SLC1A5: variants seen among roughly 807,000 people sequenced by gnomAD.
The protein encoded by SLC1A5 is solute carrier family 1 member 5.
Under a neutral mutation model 34.9 loss-of-function variants are expected in SLC1A5, and 25 were observed. That is an observed-to-expected ratio of 0.72 (90% CI 0.52 to 1.00). The LOEUF (loss-of-function observed/expected upper bound fraction) is 1.00. Among genes scored for constraint, SLC1A5 ranks in the 50% least tolerant of loss-of-function variants. The probability of loss-of-function intolerance (pLI) is 0.00; values close to 1 mark genes in which losing one functional copy is unlikely to be tolerated. For missense variants in SLC1A5, 637 were observed against 740.0 expected, an observed-to-expected ratio of 0.86 and a Z score of 1.61; for synonymous variants, 351 against 341.2, an observed-to-expected ratio of 1.03 and a Z score of -0.32.
In SLC1A5 at chr19:46,787,600, G is replaced by T; in HGVS notation, c.366C>A (p.Gly122=). ...LIGGAASLDP[G]ALGRLGAWAL... Reference sequence around the variant, plus strand: ...CCCAGGCGCCCAGACGGCCGAGCGCGCCGGGGTCCAGGCTGGCGGCGCCGC... The same window carrying T: ...CCCAGGCGCCCAGACGGCCGAGCGCTCCGGGGTCCAGGCTGGCGGCGCCGC... The change falls in exon 1 of 8, where the codon GGC becomes GGA. Residue 122 remains glycine, a synonymous_variant. Coordinates refer to ENST00000542575, the MANE Select transcript of SLC1A5 (RefSeq NM_005628.3). This position sits in a 1 kb window ranked among gnomAD's most constrained non-coding sequence, Gnocchi z 5.2. 1 of 1,561,562 alleles carries T rather than the reference G, an allele frequency of 6.4e-7. No individual in the cohort carries two copies. The highest frequency in any genetic ancestry group is 8.7e-7 in the Non-Finnish European group (1 of 1,155,824).
chr19:46,784,982 G>T, intron 1 of SLC1A5: 2 of 785,110 alleles, frequency 2.5e-6, no homozygotes, highest in Admixed American at 4.7e-5. Context: ...GTTGGGAGGC[G>T]GTGGCGGGGA....
chr19:46,776,997 T>C lies in SLC1A5; in HGVS notation c.1366A>G (p.Ile456Val). Residue 456 changes from isoleucine to valine, a missense_variant, in exon 7 of 8, where the codon ATC (isoleucine) becomes GTC (valine). Ile to Val is a conservative substitution (Grantham distance 29). Transcript: ENST00000542575. ...VNLPVDHISLILAVDWLVDRS... is the reference protein window; with the variant it reads ...VNLPVDHISLVLAVDWLVDRS... ...CACACTAGCCAGTCCACAGCCAGGA[T>C]CAAGGAGATATGGTCGACCGGGAGG... 6.2e-7 allele frequency: 1 copy of C among 1,613,882 alleles called. No individual in the cohort carries two copies. Among genetic ancestry groups the C allele is most frequent in the Non-Finnish European group, 8.5e-7 (1 of 1,179,960 alleles).
Position 46,775,283 on chromosome 19 carries a change from T to A in SLC1A5, c.*227A>T. ...CATCTTGCTGTTTTCTAGCCTTGAG[T>A]TGGGGACATGAGTGAGAACTGGGGG... On this transcript the variant is annotated 3_prime_UTR_variant, in exon 8 of 8. Coordinates refer to ENST00000542575, the MANE Select transcript of SLC1A5 (RefSeq NM_005628.3). 1 of 1,290,194 alleles carries A rather than the reference T, an allele frequency of 7.8e-7. No homozygotes were observed. The highest frequency in any genetic ancestry group is 2.3e-5 in the South Asian group (1 of 44,228). 79.9% of individuals were successfully genotyped at this position (1,290,194 alleles called of 1,614,324 possible). A position where few individuals can be genotyped will look rare whatever the true frequency, so the allele number is the denominator to read the frequency against.
intron 3 of SLC1A5, 107 bp downstream of exon 3, chr19:46,783,990 C>T (rs925335328): frequency 6.6e-5 from 55 of 828,072 alleles, no homozygotes; most frequent in Non-Finnish European, 1.1e-4. Context: ...GGAAGGACTG[C>T]AGAGTGTCAA....
chr19:46,776,778 C>T lies in SLC1A5; in HGVS notation c.1388+197G>A, dbSNP rs75918890. 2.6e-4 allele frequency: 155 copies of T among 589,808 alleles called. No individual in the cohort carries two copies. In the African/African-American group the frequency reaches 2.7e-3, roughly 10 times the overall value. 36.5% of individuals were successfully genotyped at this position (589,808 alleles called of 1,614,324 possible). A position where few individuals can be genotyped will look rare whatever the true frequency, so the allele number is the denominator to read the frequency against. ...CTGTATTCACCACACAGACGCTCTA[C>T]TTTTCTGACATCCCTCTTAGAGCCA... is the stretch of plus-strand genomic sequence containing the variant. On this transcript the variant is annotated intron_variant, in intron 7 of 7. Coordinates refer to ENST00000542575, the MANE Select transcript of SLC1A5 (RefSeq NM_005628.3).
In SLC1A5 at chr19:46,777,116, GAGA is replaced by G. The variant is rs1568427542; in HGVS notation, c.1254-10_1254-8del. The G allele has an allele frequency of 6.2e-7, 1 of 1,613,332 alleles. No homozygotes were observed. Among genetic ancestry groups the G allele is most frequent in the East Asian group, 2.2e-5 (1 of 44,876 alleles). On this transcript the variant is annotated splice_region_variant and splice_polypyrimidine_tract_variant and intron_variant, in intron 6 of 7. Coordinates refer to ENST00000542575, the MANE Select transcript of SLC1A5 (RefSeq NM_005628.3). The stretch of plus-strand genomic sequence containing the variant: ...GGACGCTGTGGCCGTGACCCTGAGG[GAGA>G]AGGTGGGAGGTTAGGCAGATGCCTG...
intron 2 of SLC1A5, 35 bp downstream of exon 2, chr19:46,784,482 A>G (rs1445068469): frequency 6.2e-6 from 10 of 1,612,670 alleles, no homozygotes; most frequent in Non-Finnish European, 8.5e-6. Flanking sequence ...CTCCCTGTCC[A>G]CCCCCATCCC....
rs1312072426 is a variant in SLC1A5 at position 46,775,738 on chromosome 19, G to T, written c.1398C>A (p.Ser466=). ...CACCTTCTACATTGAGGACGGTACA[G>T]GACCGGTCGCTAAAGGGGTAGAAAT... ...ILAVDWLVDR[S]CTVLNVEGDA... Residue 466 remains serine, a synonymous_variant, in exon 8 of 8, where the codon TCC becomes TCA. Transcript: ENST00000542575. 5.6e-6 allele frequency: 9 copies of T among 1,613,306 alleles called. No individual in the cohort carries two copies. The Admixed American group carries it at 6.7e-5, about 12-fold the overall frequency.
rs775751266 is a variant in SLC1A5, at chr19:46,784,497, G to A, written c.609+20C>T. The A allele has an allele frequency of 1.2e-6, 2 of 1,613,818 alleles. No homozygotes were observed. The highest frequency in any genetic ancestry group is 2.7e-5 in the African/African-American group (2 of 74,880). On this transcript the variant is annotated intron_variant, in intron 2 of 7. Coordinates refer to ENST00000542575, the MANE Select transcript of SLC1A5 (RefSeq NM_005628.3). ...CTCCCTGTCCACCCCCATCCCCTCAGGACACCCCTGAGGACTCACTGAGCG... is the reference window on the plus strand; with the variant it reads ...CTCCCTGTCCACCCCCATCCCCTCAAGACACCCCTGAGGACTCACTGAGCG...
chr19:46,788,311 G>T lies in SLC1A5; in HGVS notation c.-346C>A, dbSNP rs984434249. 1 of 259,128 alleles carries T rather than the reference G, an allele frequency of 3.9e-6. No homozygotes were observed. The allele number at this position is 259,128 out of a possible 1,614,324, so 16.1% of individuals were successfully genotyped here. On this transcript the variant is annotated 5_prime_UTR_variant, in exon 1 of 8. Coordinates refer to ENST00000542575, the MANE Select transcript of SLC1A5 (RefSeq NM_005628.3). ...GGGGCCCTTGGCTCCAGGAGGTTGAGTGCCCCCAGATGGCGGAGGTCTGCA... is the reference window on the plus strand; with the variant it reads ...GGGGCCCTTGGCTCCAGGAGGTTGATTGCCCCCAGATGGCGGAGGTCTGCA...
chr19:46,787,065 G>T lies in SLC1A5; in HGVS notation c.566+335C>A, dbSNP rs192425271. Among the ~76,000 whole-genome samples the T allele has an allele frequency of 2.0e-5, 3 of 152,100 alleles. No homozygotes were observed. ...GCCCCATCTTGGGGCCCTTGACCACGCAAAGATTCCCCCCGCAAAAGTTCC... is the reference window on the plus strand; with the variant it reads ...GCCCCATCTTGGGGCCCTTGACCACTCAAAGATTCCCCCCGCAAAAGTTCC... On this transcript the variant is annotated intron_variant, in intron 1 of 7. Coordinates refer to ENST00000542575, the MANE Select transcript of SLC1A5 (RefSeq NM_005628.3). This position sits in a 1 kb window ranked among gnomAD's most constrained non-coding sequence, Gnocchi z 5.2.
intron 4 of SLC1A5, among the ~76,000 whole-genome samples, chr19:46,780,164 AAAC>A (rs558485711): frequency 2.0e-3 from 306 of 151,500 alleles, no homozygotes; most frequent in African/African-American, 6.7e-3. Context: ...CCAGTTTCTT[AAAC>A]AACAACAACA....
chr19:46,775,026 C>A lies in SLC1A5; in HGVS notation c.*484G>T. ...TAGGGGATCTGGGGACAGGGTGGGA[C>A]GTACCATGGGGACAGGAGGTCACAG... On this transcript the variant is annotated 3_prime_UTR_variant, in exon 8 of 8. Transcript: ENST00000542575. 1 of 987,412 alleles carries A rather than the reference C, an allele frequency of 1.0e-6. No homozygotes were observed. Among genetic ancestry groups the A allele is most frequent in the Non-Finnish European group, 1.2e-6 (1 of 831,954 alleles). The allele number at this position is 987,412 out of a possible 1,614,324, so 61.2% of individuals were successfully genotyped here.
chr19:46,778,745 G>T lies in SLC1A5; in HGVS notation c.988C>A (p.Arg330Ser), dbSNP rs377758850. Residue 330 changes from arginine to serine, a missense_variant, in exon 5 of 8, where the codon CGC (arginine) becomes AGC (serine). Arg to Ser is a moderately radical substitution (Grantham distance 110). Coordinates refer to ENST00000542575, the MANE Select transcript of SLC1A5 (RefSeq NM_005628.3). ...VLPLIYFLFT[R>S]KNPYRFLWGI... ...CACAGGAAGCGGTAGGGGTTTTTGCGGGTGAAGAGGAAGTAGATGAGGGGC... is the reference window on the plus strand; with the variant it reads ...CACAGGAAGCGGTAGGGGTTTTTGCTGGTGAAGAGGAAGTAGATGAGGGGC... The T allele has an allele frequency of 6.8e-6, 11 of 1,613,896 alleles. No homozygotes were observed. Among genetic ancestry groups the T allele is most frequent in the Admixed American group, 1.7e-5 (1 of 59,978 alleles).
In SLC1A5 at chr19:46,781,670, A is replaced by T. The variant is rs192872253; in HGVS notation, c.824+713T>A. Among the ~76,000 whole-genome samples, 6 of 152,310 alleles carry T rather than the reference A, an allele frequency of 3.9e-5. No homozygotes were observed. In the East Asian group the frequency reaches 1.2e-3, roughly 29 times the overall value. ...CTACTCGATCATCGGTCGCCCATCCATCATCACTGACTAGTTATCTCCCCA... is the reference window on the plus strand; with the variant it reads ...CTACTCGATCATCGGTCGCCCATCCTTCATCACTGACTAGTTATCTCCCCA... On this transcript the variant is annotated intron_variant, in intron 4 of 7. Coordinates refer to ENST00000542575, the MANE Select transcript of SLC1A5 (RefSeq NM_005628.3).
chr19:46,787,685 TC>T lies in SLC1A5; in HGVS notation c.280del (p.Glu94SerfsTer9), dbSNP rs757990547. ...CATCCGCAGCAGACGCAGCAGCAGC[TC>T]GCCCGGGAAGACGAAGGCGCTCAAG... ...ERLSAFVFPG[E>X]LLLRLLRMII... On this transcript the variant is annotated frameshift_variant, in exon 1 of 8. Coordinates refer to ENST00000542575, the MANE Select transcript of SLC1A5 (RefSeq NM_005628.3). LOFTEE classifies it high-confidence loss of function. The surrounding 1 kb of genome is among the most constrained non-coding windows in gnomAD (Gnocchi z 5.2). 1.9e-6 allele frequency: 3 copies of T among 1,591,942 alleles called. No homozygotes were observed. Among genetic ancestry groups the T allele is most frequent in the Middle Eastern group, 3.3e-4 (2 of 6,042 alleles).
chr19:46,779,030 T>C (rs2055123643), intron 4 of SLC1A5, 122 bp from the exon 5 acceptor site: 2 of 669,022 alleles, frequency 3.0e-6, no homozygotes, highest in Non-Finnish European at 5.0e-6. Flanking sequence ...CCCAGCAATG[T>C]GTGCTTCAGC....
chr19:46,784,413 T>C, intron 2 of SLC1A5, 104 bp downstream of exon 2: 2 of 1,280,774 alleles, frequency 1.6e-6, no homozygotes, highest in Non-Finnish European at 2.2e-6. Flanking sequence ...CTCATTGACA[T>C]GCATTTTTCC....
At position 46,787,947 on chromosome 19, in the gene SLC1A5, G is replaced by T; in HGVS notation, c.19C>A (p.Arg7=). MVADPP[R]DSKGLAAAEP... is the part of the protein sequence containing the mutation. ...GCCGCTGCGAGCCCCTTGGAGTCTC[G>T]AGGAGGATCGGCCACCATGATGGGA... is the stretch of plus-strand genomic sequence containing the variant. Residue 7 remains arginine (R), a synonymous_variant, in exon 1 of 8, where the codon CGA becomes AGA. Coordinates refer to ENST00000542575, the MANE Select transcript of SLC1A5 (RefSeq NM_005628.3). This position sits in a 1 kb window ranked among gnomAD's most constrained non-coding sequence, Gnocchi z 5.2. 6.4e-7 allele frequency: 1 copy of T among 1,568,402 alleles called. No homozygotes were observed. The highest frequency in any genetic ancestry group is 8.6e-7 in the Non-Finnish European group (1 of 1,159,784).
Sources: allele counts gnomAD v4.1 joint callset (sites outside exome capture counted in the v4.1 genomes callset), GRCh38; gene constraint gnomAD v4.1.1; non-coding constraint Gnocchi (gnomAD v3.1); transcripts MANE v1.5; gene names NCBI Gene and HGNC (gene_info 2026-07-23, HGNC 2026-07-21).